The following PCDHA3 variants were observed in gnomAD, a reference collection of about 807,000 sequenced individuals.
PCDHA3 encodes protocadherin alpha 3, also known as protocadherin alpha-3.
In PCDHA3, 41 loss-of-function variants were observed where a neutral mutation model predicts 62.2. That is an observed-to-expected ratio of 0.66 (90% CI 0.51 to 0.86). The LOEUF (loss-of-function observed/expected upper bound fraction) is 0.86, where lower values mean the gene tolerates loss of function less well. PCDHA3 is among the 40% of genes least tolerant of loss of function. PCDHA3 has a pLI of 0.00. For missense variants in PCDHA3, 1,304 were observed against 1,241.2 expected, an observed-to-expected ratio of 1.05 and a Z score of -0.76; for synonymous variants, 640 against 555.4, an observed-to-expected ratio of 1.15 and a Z score of -2.14.
At chr5:140,923,888 G>A (rs575485843) in intron 1 of PCDHA3, among the ~76,000 whole-genome samples, 1 of 152,294 alleles carries the variant, frequency 6.6e-6, no homozygotes, top group Admixed American at 6.5e-5. Context: ...GTGTGAAAGA[G>A]GAGGAGTTTC....
chr5:140,829,222 C>T (rs147499647), intron 1 of PCDHA3: 53 of 1,614,100 alleles, frequency 3.3e-5, no homozygotes, highest in Non-Finnish European at 4.4e-5. Flanking sequence ...TGAACGACCT[C>T]GATTCAGGTG....
At chr5:140,917,815 G>T (rs554230002) in intron 1 of PCDHA3, among the ~76,000 whole-genome samples, 1 of 152,018 alleles carries the variant, frequency 6.6e-6, no homozygotes, top group South Asian at 2.1e-4. Context: ...TATAGTTGAA[G>T]TTGGGTAGTG....
Position 140,803,381 on chromosome 5 carries a change from C to T in PCDHA3, c.2184C>T (p.Thr728=), listed in dbSNP as rs376460699. ...CTCTGCGGTGCTCCGCGCCGCCAAC[C>T]GAAGGCGACTGTGGGCCGGGCAAGC... The part of the protein sequence containing the change: ...YTALRCSAPP[T]EGDCGPGKPT... The change falls in exon 1 of 4, where the codon ACC becomes ACT. Residue 728 remains threonine, a synonymous_variant. Transcript: ENST00000522353. 6.2e-7 allele frequency: 1 copy of T among 1,614,094 alleles called. No homozygotes were observed. Among genetic ancestry groups the T allele is most frequent in the African/African-American group, 1.3e-5 (1 of 74,930 alleles).
chr5:140,835,202 G>A, intron 1 of PCDHA3: 1 of 1,560,884 alleles, frequency 6.4e-7, no homozygotes, highest in African/African-American at 1.4e-5. Flanking sequence ...ACGAAGGCTT[G>A]AATGGGGATA....
chr5:140,874,567 G>A (rs2055003260), intron 1 of PCDHA3, among the ~76,000 whole-genome samples: 1 of 152,180 alleles, frequency 6.6e-6, no homozygotes, highest in African/African-American at 2.4e-5. Flanking sequence ...GCATTTTAGT[G>A]CTCCATTGTT....
chr5:140,881,023 A>T (rs1338073910), intron 1 of PCDHA3, among the ~76,000 whole-genome samples: 2 of 152,240 alleles, frequency 1.3e-5, no homozygotes, highest in Admixed American at 1.3e-4. Flanking sequence ...AAATAAACCC[A>T]ACAGTCATTT....
intron 1 of PCDHA3, chr5:140,851,974 CT>C (rs1190115566): frequency 2.0e-6 from 2 of 976,536 alleles, no homozygotes; most frequent in African/African-American, 3.5e-5. Context: ...CACACTCTAC[CT>C]TTAGTGCAAG....
chr5:140,946,019 C>CA (rs1222084270), intron 1 of PCDHA3, among the ~76,000 whole-genome samples: 3 of 151,732 alleles, frequency 2.0e-5, no homozygotes, highest in Non-Finnish European at 4.4e-5. Flanking sequence ...TCCTGCGCAG[C>CA]AAAGAAAACA....
At chr5:140,913,993 G>A (rs2076550293) in intron 1 of PCDHA3, among the ~76,000 whole-genome samples, 2 of 152,040 alleles carry the variant, frequency 1.3e-5, no homozygotes, top group South Asian at 4.2e-4. Flanking sequence ...ATTGTGACTA[G>A]CATATGGTCT....
In PCDHA3 at chr5:140,946,611, A is replaced by AATATATATATATAT. The variant is rs1554217734; in HGVS notation, c.2395-32330_2395-32317dup. Among the ~76,000 whole-genome samples the AATATATATATATAT allele has an allele frequency of 6.8e-3, 593 of 86,748 alleles. 22 individuals are homozygous for AATATATATATATAT. Among genetic ancestry groups the AATATATATATATAT allele is most frequent in the African/African-American group, 0.021 (323 of 15,664 alleles). The allele number at this position is 86,748 out of a possible 152,430, so 56.9% of individuals were successfully genotyped here. A position where few individuals can be genotyped will look rare whatever the true frequency, so the allele number is the denominator to read the frequency against. On this transcript the variant is annotated intron_variant, in intron 1 of 3. Coordinates refer to ENST00000522353, the MANE Select transcript of PCDHA3 (RefSeq NM_018906.3). ...GGATGAATAGATAAAGAAAATGTGA[A>AATATATATATATAT]ATATATATATATATATATATACAAT... is the stretch of plus-strand genomic sequence containing the variant.
At chr5:140,885,131 CT>C (rs1162868700) in intron 1 of PCDHA3, among the ~76,000 whole-genome samples, 1 of 152,024 alleles carries the variant, frequency 6.6e-6, no homozygotes, top group Non-Finnish European at 1.5e-5. Flanking sequence ...TTCTTTCTTT[CT>C]TTTTTTAAAC....
At chr5:140,988,253 C>A (rs982953260) in intron 3 of PCDHA3, among the ~76,000 whole-genome samples, 1 of 152,188 alleles carries the variant, frequency 6.6e-6, no homozygotes, top group Non-Finnish European at 1.5e-5. Context: ...CAGCTCCCGC[C>A]TGTGAGTATC....
chr5:140,882,572 T>C, intron 1 of PCDHA3: 1 of 1,614,106 alleles, frequency 6.2e-7, no homozygotes, highest in Non-Finnish European at 8.5e-7. Flanking sequence ...GAGCGCGGAG[T>C]GCAGCATCCA....
chr5:140,941,243 CTT>C (rs782176516), intron 1 of PCDHA3, among the ~76,000 whole-genome samples: 1 of 131,826 alleles, frequency 7.6e-6, no homozygotes, highest in Non-Finnish European at 1.6e-5. Flanking sequence ...TTCTTTCTTT[CTT>C]TCTTTCTTTC....
At chr5:140,836,206 C>A (rs1554135734) in intron 1 of PCDHA3, 3 of 1,613,832 alleles carry the variant, frequency 1.9e-6, no homozygotes, top group Middle Eastern at 1.6e-4. Context: ...GCGTGGCTTT[C>A]GTATGAGTTG....
At chr5:141,005,032 T>A (rs1031521338) in intron 3 of PCDHA3, among the ~76,000 whole-genome samples, 2 of 152,228 alleles carry the variant, frequency 1.3e-5, no homozygotes, top group Non-Finnish European at 2.9e-5. Context: ...TAATTGCCCA[T>A]ATGTGATACC....
intron 1 of PCDHA3, chr5:140,824,589 T>A (rs2150134890): frequency 6.5e-6 from 1 of 154,268 alleles, no homozygotes; most frequent in Non-Finnish European, 1.4e-5. Context: ...GTAGCTGGAC[T>A]ACATGCACAT....
rs149179821 is a variant in PCDHA3 at position 141,012,224 on chromosome 5, C to T, written c.*2287C>T. 2 of 153,832 alleles carry T rather than the reference C, an allele frequency of 1.3e-5. No homozygotes were observed. Among genetic ancestry groups the T allele is most frequent in the East Asian group, 3.9e-4 (2 of 5,184 alleles). 9.5% of individuals were successfully genotyped at this position (153,832 alleles called of 1,614,324 possible). On this transcript the variant is annotated 3_prime_UTR_variant, in exon 4 of 4. Coordinates refer to ENST00000522353, the MANE Select transcript of PCDHA3 (RefSeq NM_018906.3). ...CTTTTTACATTTGCGAAGTGCTTTC[C>T]AATCCATGTTAGTTACTAGTTATTA...
At chr5:140,858,494 C>A (rs1451749220) in intron 1 of PCDHA3, 1 of 1,482,778 alleles carries the variant, frequency 6.7e-7, no homozygotes. Context: ...TTTCTCTTAC[C>A]GCATTTTCTC....
Sources: gnomAD v4.1 joint callset for allele counts (sites outside exome capture counted in the v4.1 genomes callset) on GRCh38, gnomAD v4.1.1 for gene constraint, MANE v1.5 for transcripts, NCBI Gene and HGNC (gene_info 2026-07-23, HGNC 2026-07-21) for gene names.